Variants in ERN1 observed in about 807,000 individuals in gnomAD.
The protein encoded by ERN1 is endoplasmic reticulum to nucleus signaling 1.
In ERN1, 39 loss-of-function variants were observed where a neutral mutation model predicts 113.1. The observed-to-expected ratio is 0.34, with a 90% CI of 0.27 to 0.45. The LOEUF is 0.45. ERN1 is among the 20% of genes least tolerant of loss of function. The probability of loss-of-function intolerance (pLI) is 1.00; values close to 1 mark genes in which losing one functional copy is unlikely to be tolerated. For missense variants in ERN1, 976 were observed against 1,274.8 expected (o/e 0.77, Z 3.57); for synonymous variants, 507 against 515.9 (o/e 0.98, Z 0.23).
chr17:64,099,277 AT>A (rs11442464), intron 1 of ERN1, among the ~76,000 whole-genome samples: 176 of 148,060 alleles, frequency 1.2e-3, no homozygotes, highest in South Asian at 3.2e-3. Context: ...TACTGGACAG[AT>A]TTTTTTTTTT....
At chr17:64,076,746 C>T (rs1377897528) in intron 4 of ERN1, among the ~76,000 whole-genome samples, 1 of 152,170 alleles carries the variant, frequency 6.6e-6, no homozygotes, top group Non-Finnish European at 1.5e-5. Flanking sequence ...ACTACAGGCG[C>T]CCGCCACTGC....
chr17:64,104,340 T>C (rs1328644302), intron 1 of ERN1, among the ~76,000 whole-genome samples: 2 of 152,232 alleles, frequency 1.3e-5, no homozygotes, highest in Non-Finnish European at 2.9e-5. Context: ...CACTGCCTTG[T>C]TGCCCCCTGC....
chr17:64,124,772 A>C (rs1331844009), intron 1 of ERN1, among the ~76,000 whole-genome samples: 2 of 152,234 alleles, frequency 1.3e-5, no homozygotes, highest in Non-Finnish European at 2.9e-5. Context: ...CATATAATGG[A>C]ATATTATTCA....
chr17:64,053,454 A>G, intron 15 of ERN1, 83 bp from the exon 16 acceptor site: 2 of 953,214 alleles, frequency 2.1e-6, no homozygotes, highest in East Asian at 2.9e-5. Context: ...TACCATTTTA[A>G]GAAAGAAATG....
At position 64,060,505 on chromosome 17, in the gene ERN1, C is replaced by T; in HGVS notation, c.1170G>A (p.Val390=). The part of the protein sequence containing the change: ...PNNLPKHREN[V]IPADSEKKSF... ...TCTTTTTCTCTGAATCAGCAGGAAT[C>T]ACATTTTCCCGATGTTTGGGTAGAT... The change falls in exon 11 of 22, where the codon GTG becomes GTA. Residue 390 remains valine (V), a synonymous_variant. Transcript: ENST00000433197. The T allele has an allele frequency of 6.2e-7, 1 of 1,613,902 alleles. No individual in the cohort carries two copies. The highest frequency in any genetic ancestry group is 8.5e-7 in the Non-Finnish European group (1 of 1,179,782).
At chr17:64,045,620 T>C in intron 19 of ERN1, 138 bp from the exon 20 acceptor site, 1 of 997,452 alleles carries the variant, frequency 1.0e-6, no homozygotes, top group East Asian at 2.5e-5. Context: ...GCCCCCTCCC[T>C]CCCTCATCCA....
chr17:64,039,536 T>C lies in ERN1; in HGVS notation c.*4452A>G, dbSNP rs1367020132. The C allele has an allele frequency of 6.6e-6, 1 of 152,212 alleles. No homozygotes were observed. The highest frequency in any genetic ancestry group is 1.5e-5 in the Non-Finnish European group (1 of 68,046). 9.4% of individuals were successfully genotyped at this position (152,212 alleles called of 1,614,324 possible). On this transcript the variant is annotated 3_prime_UTR_variant, in exon 22 of 22. Transcript: ENST00000433197. ...TCCCATGGAAGGATACAGTATCACT[T>C]TTCCAGTTTTAAAATGGTCAAGGGT...
At chr17:64,060,871 G>T (rs969588886) in intron 10 of ERN1, among the ~76,000 whole-genome samples, 2 of 152,188 alleles carry the variant, frequency 1.3e-5, no homozygotes, top group African/African-American at 4.8e-5. Flanking sequence ...CAGACGCAAG[G>T]CTCGTGGGGC....
intron 12 of ERN1, among the ~76,000 whole-genome samples, 183 bp downstream of exon 12, chr17:64,057,619 C>T (rs1912914725): frequency 2.0e-5 from 3 of 152,206 alleles, no homozygotes; most frequent in South Asian, 2.1e-4. Context: ...CCACCCGCCT[C>T]GGCCTCCCAA....
At chr17:64,060,336 TGC>T in intron 11 of ERN1, 131 bp downstream of exon 11, 2 of 650,424 alleles carry the variant, frequency 3.1e-6, no homozygotes, top group Admixed American at 2.6e-5. Flanking sequence ...TTATGTTTTT[TGC>T]TTTGGATTCT....
intron 5 of ERN1, among the ~76,000 whole-genome samples, chr17:64,074,636 T>A (rs965620872): frequency 2.0e-5 from 3 of 152,204 alleles, no homozygotes; most frequent in African/African-American, 7.2e-5. Context: ...TAAATACAGC[T>A]CTCCTTTGTG....
chr17:64,068,521 C>T (rs1913311357), intron 6 of ERN1, among the ~76,000 whole-genome samples: 1 of 152,154 alleles, frequency 6.6e-6, no homozygotes, highest in African/African-American at 2.4e-5. Flanking sequence ...CTCGCTATGC[C>T]CTTGGACTCA....
At chr17:64,065,413 CGCA>C in intron 8 of ERN1, 126 bp from the exon 9 acceptor site, 1 of 664,896 alleles carries the variant, frequency 1.5e-6, no homozygotes. Context: ...CATGGAGGAA[CGCA>C]GTAGGGGTGT....
At chr17:64,059,451 T>C (rs1444585822) in intron 11 of ERN1, among the ~76,000 whole-genome samples, 3 of 152,202 alleles carry the variant, frequency 2.0e-5, no homozygotes, top group Admixed American at 6.5e-5. Context: ...AATCGGTCAC[T>C]AAGCCTCAGA....
Position 64,066,894 on chromosome 17 carries a change from C to A in ERN1, c.619G>T (p.Val207Leu), listed in dbSNP as rs767993268. 3 of 1,613,814 alleles carry A rather than the reference C, an allele frequency of 1.9e-6. No individual in the cohort carries two copies. In the South Asian group the frequency reaches 3.3e-5, roughly 18 times the overall value. The change falls in exon 8 of 22, where the codon GTG becomes TTG. Residue 207 changes from valine to leucine, a missense_variant. Physicochemically the swap from Val to Leu is conservative, Grantham distance 32. Coordinates refer to ENST00000433197, the MANE Select transcript of ERN1 (RefSeq NM_001433.5). ...TCCCCAGATTCACTGTCCACAGTCA[C>A]CACCAGCCCATCACCATTGGACACA... Reference protein sequence around the residue: ...HFVSNGDGLVVTVDSESGDVL... With the variant: ...HFVSNGDGLVLTVDSESGDVL...
chr17:64,129,719 G>A (rs1430121461), intron 1 of ERN1: 2 of 381,370 alleles, frequency 5.2e-6, no homozygotes, highest in Admixed American at 9.1e-5. Context: ...GCCGCTGCCC[G>A]TGACAGCCGC....
chr17:64,057,171 A>C (rs1277095872), intron 12 of ERN1, among the ~76,000 whole-genome samples: 1 of 152,116 alleles, frequency 6.6e-6, no homozygotes, highest in Non-Finnish European at 1.5e-5. Context: ...TTTTTAAGGG[A>C]GGAAAGGTCT....
chr17:64,129,263 G>C (rs1315470603), intron 1 of ERN1: 1 of 152,236 alleles, frequency 6.6e-6, no homozygotes, highest in Non-Finnish European at 1.5e-5. Context: ...CCCACGAGGA[G>C]ACAGTCTTTC....
intron 10 of ERN1, among the ~76,000 whole-genome samples, chr17:64,061,451 C>T (rs1437543874): frequency 6.6e-6 from 1 of 152,234 alleles, no homozygotes; most frequent in Non-Finnish European, 1.5e-5. Context: ...TTCCCCTAAA[C>T]CTATCAAAGA....
Sources: allele counts gnomAD v4.1 joint callset (sites outside exome capture counted in the v4.1 genomes callset), GRCh38; gene constraint gnomAD v4.1.1; transcripts MANE v1.5; gene names NCBI Gene and HGNC (gene_info 2026-07-23, HGNC 2026-07-21).